Variants in OPN3 observed in about 807,000 individuals in gnomAD.
The protein encoded by OPN3 is opsin 3.
A neutral mutation model predicts 33.8 loss-of-function variants in OPN3; 29 were observed. That is an observed-to-expected ratio of 0.86 (90% CI 0.64 to 1.17). OPN3 has a LOEUF of 1.17. OPN3 is among the 50% of genes most tolerant of loss of function. The pLI, the probability that OPN3 is intolerant of heterozygous loss-of-function variation, is 0.00. For missense variants in OPN3, 437 were observed against 514.1 expected, an observed-to-expected ratio of 0.85 and a Z score of 1.45; for synonymous variants, 216 against 216.1, an observed-to-expected ratio of 1.00 and a Z score of 0.00.
chr1:241,606,168 GA>G (rs1383136567), intron 1 of OPN3, among the ~76,000 whole-genome samples: 6 of 152,166 alleles, frequency 3.9e-5, no homozygotes, highest in African/African-American at 1.4e-4. Flanking sequence ...CTGGATTCCA[GA>G]AACATTTAGC....
chr1:241,630,013 T>A (rs1033027938), intron 1 of OPN3: 1 of 152,112 alleles, frequency 6.6e-6, no homozygotes, highest in Non-Finnish European at 1.5e-5. Context: ...CCAGTTGGAA[T>A]GTTAAATGGA....
chr1:241,635,453 G>A lies in OPN3; in HGVS notation c.373+4429C>T, dbSNP rs758153443. 3.1e-6 allele frequency: 5 copies of A among 1,613,780 alleles called. No individual in the cohort carries two copies. The highest frequency in any genetic ancestry group is 1.6e-4 in the Middle Eastern group (1 of 6,062). ...AACGTTGTCCTCCATATCCTGACTG[G>A]CGTAGCAAAAAGCTTCTGTGTGTTG... On this transcript the variant is annotated intron_variant, in intron 1 of 3. Coordinates refer to ENST00000366554, the MANE Select transcript of OPN3 (RefSeq NM_014322.3).
chr1:241,629,772 A>T (rs1664549446), intron 1 of OPN3: 1 of 152,124 alleles, frequency 6.6e-6, no homozygotes, highest in South Asian at 2.1e-4. Context: ...ACTGACATCT[A>T]GCTAGTCTTT....
At chr1:241,615,792 G>C in intron 1 of OPN3, 2 of 452,786 alleles carry the variant, frequency 4.4e-6, no homozygotes, top group East Asian at 7.0e-5. Context: ...TCCCAGCAGC[G>C]GTGGCTCTAT....
chr1:241,594,573 T>C lies in OPN3; in HGVS notation c.1064A>G (p.Lys355Arg). ...MQIRPIVMSQ[K>R]DGDRPKKKVT... is the part of the protein sequence containing the mutation. Reference sequence around the variant, plus strand: ...TTTTTTCTTTGGCCTGTCCCCATCTTTCTGTGACATCACAATGGGTCTGAT... The same window carrying C: ...TTTTTTCTTTGGCCTGTCCCCATCTCTCTGTGACATCACAATGGGTCTGAT... The change falls in exon 4 of 4, where the codon AAA (lysine) becomes AGA (arginine). Residue 355 changes from lysine to arginine, a missense_variant. By Grantham distance (26) the Lys-to-Arg change is conservative. Coordinates refer to ENST00000366554, the MANE Select transcript of OPN3 (RefSeq NM_014322.3). The C allele has an allele frequency of 1.2e-6, 2 of 1,614,130 alleles. No homozygotes were observed. The highest frequency in any genetic ancestry group is 1.7e-6 in the Non-Finnish European group (2 of 1,179,986).
In OPN3 at chr1:241,634,599, A is replaced by G. The variant is rs1028182770; in HGVS notation, c.373+5283T>C. 3 of 1,613,822 alleles carry G rather than the reference A, an allele frequency of 1.9e-6. No homozygotes were observed. The African/African-American group carries it at 4.0e-5, about 22-fold the overall frequency. ...CCACCAAAAACTGCACACATCCTACAGAAACCCTGGGGAATTTCTCCTTGG... is the reference window on the plus strand; with the variant it reads ...CCACCAAAAACTGCACACATCCTACGGAAACCCTGGGGAATTTCTCCTTGG... On this transcript the variant is annotated intron_variant, in intron 1 of 3. Transcript: ENST00000366554.
At chr1:241,624,824 GAATC>G (rs929423330) in intron 1 of OPN3, among the ~76,000 whole-genome samples, 31 of 152,214 alleles carry the variant, frequency 2.0e-4, no homozygotes, top group African/African-American at 7.2e-4. Flanking sequence ...GGGGGTTATG[GAATC>G]AAACTGCCTG....
At chr1:241,616,072 T>C (rs1014932600) in intron 1 of OPN3, 11 of 419,074 alleles carry the variant, frequency 2.6e-5, no homozygotes, top group Non-Finnish European at 4.4e-5. Context: ...TAGTATCAGG[T>C]GGTCTCTCTG....
At position 241,597,864 on chromosome 1, in the gene OPN3, A is replaced by G. The variant is rs140750839; in HGVS notation, c.827T>C (p.Phe276Ser). Residue 276 changes from phenylalanine to serine, a missense_variant, in exon 3 of 4, where the codon TTC becomes TCC. Physicochemically the swap from Phe to Ser is radical, Grantham distance 155 (BLOSUM62 -2). Transcript: ENST00000366554. ...VCWMPYIVIC[F>S]LVVNGHGHLV... ...GTGACCATGACCATTAACCACCAAG[A>G]AGCAGATCACGATATAAGGCATCCA... The G allele has an allele frequency of 6.2e-6, 10 of 1,614,038 alleles. No homozygotes were observed. In the East Asian group the frequency reaches 2.0e-4, roughly 32 times the overall value.
chr1:241,609,056 A>G (rs1663912517), intron 1 of OPN3, among the ~76,000 whole-genome samples: 1 of 152,242 alleles, frequency 6.6e-6, no homozygotes, highest in Admixed American at 6.5e-5. Context: ...GAATGAAAGG[A>G]CTGTCTTACA....
intron 1 of OPN3, chr1:241,629,922 T>C (rs1176112665): frequency 6.6e-6 from 1 of 151,952 alleles, no homozygotes; most frequent in Non-Finnish European, 1.5e-5. Context: ...TCCCATTTTT[T>C]CCCCCTAAAT....
rs555561129 is a variant in OPN3 at position 241,605,620 on chromosome 1, A to G, written c.374-1041T>C. ...AACTCTAGATGTCTGAAGGGAATGT[A>G]CGTGTGTAAACACTGACAATGACCA... On this transcript the variant is annotated intron_variant, in intron 1 of 3. Coordinates refer to ENST00000366554, the MANE Select transcript of OPN3 (RefSeq NM_014322.3). Among the ~76,000 whole-genome samples the G allele has an allele frequency of 2.2e-4, 33 of 152,374 alleles. No homozygotes were observed. The South Asian group carries it at 6.0e-3, about 28-fold the overall frequency.
intron 1 of OPN3, among the ~76,000 whole-genome samples, chr1:241,637,506 G>T (rs557567925): frequency 6.6e-6 from 1 of 152,314 alleles, no homozygotes; most frequent in African/African-American, 2.4e-5. Context: ...AGGGTGTGAA[G>T]ATGGAGACTG....
intron 1 of OPN3, chr1:241,635,131 T>A (rs754511115): frequency 2.4e-5 from 38 of 1,612,716 alleles, no homozygotes; most frequent in Non-Finnish European, 2.1e-5. Context: ...TATTTCTAAT[T>A]GGTTCATCGG....
In OPN3 at chr1:241,593,478, C is replaced by G; in HGVS notation, c.*950G>C. 3.1e-6 allele frequency: 1 copy of G among 326,422 alleles called. No homozygotes were observed. The highest frequency in any genetic ancestry group is 2.5e-5 in the South Asian group (1 of 39,468). The allele number at this position is 326,422 out of a possible 1,614,324, so 20.2% of individuals were successfully genotyped here. ...AATAAAATGATTCAGTGTTTCTTTT[C>G]TATATTGTCAATGAAAACCTTGAGT... On this transcript the variant is annotated 3_prime_UTR_variant, in exon 4 of 4. Transcript: ENST00000366554.
At chr1:241,630,399 TTAA>T (rs1273755993) in intron 1 of OPN3, 3 of 152,096 alleles carry the variant, frequency 2.0e-5, no homozygotes, top group East Asian at 3.8e-4. Context: ...CTCATATATA[TTAA>T]TAACCAAACA....
chr1:241,639,809 C>T, intron 1 of OPN3, 73 bp downstream of exon 1: 1 of 1,320,372 alleles, frequency 7.6e-7, no homozygotes, highest in Non-Finnish European at 9.8e-7. Flanking sequence ...GGGGGGCGGA[C>T]GCACGGAGCG....
chr1:241,607,814 G>T (rs1008799621), intron 1 of OPN3, among the ~76,000 whole-genome samples: 4 of 151,886 alleles, frequency 2.6e-5, no homozygotes, highest in African/African-American at 9.7e-5. Context: ...GAAAAAGAAA[G>T]AAAGTAATGA....
At chr1:241,628,482 G>A (rs760460294) in intron 1 of OPN3, among the ~76,000 whole-genome samples, 2 of 152,072 alleles carry the variant, frequency 1.3e-5, no homozygotes, top group Non-Finnish European at 2.9e-5. Context: ...TCTGGCCTTC[G>A]CACAGGTCTC....
Sources: allele counts gnomAD v4.1 joint callset (sites outside exome capture counted in the v4.1 genomes callset), GRCh38; gene constraint gnomAD v4.1.1; transcripts MANE v1.5; gene names NCBI Gene and HGNC (gene_info 2026-07-23, HGNC 2026-07-21).